The following DACT1 variants were observed in gnomAD, a reference collection of about 807,000 sequenced individuals.
The protein encoded by DACT1 is dapper homolog 1.
In DACT1, 19 loss-of-function variants were observed where a neutral mutation model predicts 35.3. The ratio of observed to expected loss-of-function variants is 0.54; its 90% CI spans 0.38 to 0.79. The LOEUF is 0.79. DACT1 is among the 30% of genes least tolerant of loss of function. DACT1 has a pLI of 0.00. For synonymous variants in DACT1, 545 were observed against 466.7 expected, an observed-to-expected ratio of 1.17 and a Z score of -2.16; for missense variants, 1,143 against 1,057.5, an observed-to-expected ratio of 1.08 and a Z score of -1.12.
At chr14:58,643,978 G>A (rs1434987740) in intron 3 of DACT1, among the ~76,000 whole-genome samples, 1 of 152,026 alleles carries the variant, frequency 6.6e-6, no homozygotes, top group Non-Finnish European at 1.5e-5. Flanking sequence ...CCCTGAGACC[G>A]CTAATTATCA....
At position 58,646,973 on chromosome 14, in the gene DACT1, T is replaced by A. The variant is rs2047696975; in HGVS notation, c.2239T>A (p.Trp747Arg). 2 of 1,614,166 alleles carry A rather than the reference T, an allele frequency of 1.2e-6. No homozygotes were observed. The highest frequency in any genetic ancestry group is 1.7e-5 in the Admixed American group (1 of 60,030). Residue 747 changes from tryptophan to arginine, a missense_variant, in exon 4 of 4, where the codon TGG (tryptophan) becomes AGG (arginine). By Grantham distance (101) the Trp-to-Arg change is moderately radical. Coordinates refer to ENST00000395153, the MANE Select transcript of DACT1 (RefSeq NM_001079520.2). ...CTCTGAAGAAAGCGGGGGCTTAATT[T>A]GGTCCCAGTTTGTCCAGACTCTGCC... ...SDSEESGGLIWSQFVQTLPIQ... is the reference protein window; with the variant it reads ...SDSEESGGLIRSQFVQTLPIQ...
chr14:58,638,060 A>AG lies in DACT1; in HGVS notation c.-140dup. On this transcript the variant is annotated 5_prime_UTR_variant, in exon 1 of 4. Transcript: ENST00000395153. The stretch of plus-strand genomic sequence containing the variant: ...AGCCGGCGGTCGCGCGCAGGACTCG[A>AG]GGGCTTCTAGCCACCGTCCCCGCCA... 4 of 884,704 alleles carry AG rather than the reference A, an allele frequency of 4.5e-6. No individual in the cohort carries two copies. Among genetic ancestry groups the AG allele is most frequent in the Non-Finnish European group, 4.4e-6 (3 of 685,226 alleles). The allele number at this position is 884,704 out of a possible 1,614,324, so 54.8% of individuals were successfully genotyped here. A position where few individuals can be genotyped will look rare whatever the true frequency, so the allele number is the denominator to read the frequency against.
upstream of DACT1, chr14:58,634,220 T>C (rs1365065625): frequency 6.6e-6 from 1 of 152,200 alleles, no homozygotes; most frequent in Non-Finnish European, 1.5e-5. Flanking sequence ...TATTTGGTAG[T>C]GTTTGGTTGT....
chr14:58,636,199 T>C (rs565802220), upstream of DACT1, among the ~76,000 whole-genome samples: 38 of 152,268 alleles, frequency 2.5e-4, no homozygotes, highest in South Asian at 8.3e-4. Context: ...GGGAGGAAAG[T>C]GAAAGGTGGC....
At chr14:58,639,179 G>A (rs1184744645) in intron 1 of DACT1, 3 of 985,316 alleles carry the variant, frequency 3.0e-6, no homozygotes, top group Admixed American at 1.2e-4. Flanking sequence ...TTTGGCTGGA[G>A]ACTGTGTCCC....
Position 58,646,953 on chromosome 14 carries a change from A to G in DACT1, c.2219A>G (p.Glu740Gly), listed in dbSNP as rs765719555. 1 of 1,614,184 alleles carries G rather than the reference A, an allele frequency of 6.2e-7. No individual in the cohort carries two copies. The highest frequency in any genetic ancestry group is 8.5e-7 in the Non-Finnish European group (1 of 1,180,036). ...VGESTTTSDS[E>G]ESGGLIWSQF... ...GAGAGCACAACCACCAGCGACTCTG[A>G]AGAAAGCGGGGGCTTAATTTGGTCC... Residue 740 changes from glutamate to glycine, a missense_variant, in exon 4 of 4, where the codon GAA becomes GGA. Coordinates refer to ENST00000395153, the MANE Select transcript of DACT1 (RefSeq NM_001079520.2).
At chr14:58,638,667 GCCCCCGACCGCCCCATA>G in intron 1 of DACT1, 120 bp downstream of exon 1, 1 of 1,214,794 alleles carries the variant, frequency 8.2e-7, no homozygotes, top group Non-Finnish European at 1.0e-6. Flanking sequence ...GTTATGGGAC[GCCCCCGACCGCCCCATA>G]CCTCCCTGAT....
rs2047688390 is a variant in DACT1, at chr14:58,646,600, C to G, written c.1866C>G (p.Gly622=). ...ACAGGGCGGGGAGCAGGGCGCATGG[C>G]CACGGACGGGAGGCGGTGGTGGCCA... ...GGHRAGSRAH[G]HGREAVVAKP... is the part of the protein sequence containing the mutation. The change falls in exon 4 of 4, where the codon GGC becomes GGG. Residue 622 remains glycine (G), a synonymous_variant. Coordinates refer to ENST00000395153, the MANE Select transcript of DACT1 (RefSeq NM_001079520.2). The G allele has an allele frequency of 6.3e-7, 1 of 1,595,062 alleles. No homozygotes were observed. Among genetic ancestry groups the G allele is most frequent in the Non-Finnish European group, 8.5e-7 (1 of 1,171,376 alleles).
rs377129000 is a variant in DACT1, at chr14:58,642,302, CA to C, written c.634+556del. 8.6e-3 allele frequency among the ~76,000 whole-genome samples: 1,313 copies of C among 152,106 alleles called. 24 individuals are homozygous for C. Among genetic ancestry groups the C allele is most frequent in the African/African-American group, 0.03 (1,246 of 41,480 alleles). On this transcript the variant is annotated intron_variant, in intron 3 of 3. Coordinates refer to ENST00000395153, the MANE Select transcript of DACT1 (RefSeq NM_001079520.2). ...AGGAGTTCAAGACCAGCCTGGCCAA[CA>C]TGGTGAAACCCCATCTCTACTAAAA...
At chr14:58,634,808 G>T (rs144453259), upstream of DACT1, among the ~76,000 whole-genome samples, 1 of 152,188 alleles carries the variant, frequency 6.6e-6, no homozygotes, top group Non-Finnish European at 1.5e-5. Flanking sequence ...CTTTGGTGGG[G>T]GTGCTGTTAG....
rs763667576 is a variant in DACT1 at position 58,646,765 on chromosome 14, C to CAGCCCCTACGCCTACGTGGCT, written c.2035_2055dup (p.Pro679_Ser685dup). The CAGCCCCTACGCCTACGTGGCT allele has an allele frequency of 1.9e-6, 3 of 1,614,014 alleles. No individual in the cohort carries two copies. In the African/African-American group the frequency reaches 4.0e-5, roughly 22 times the overall value. ...CCGCGCCTGTGCCTCTGCCCTACGC[C>CAGCCCCTACGCCTACGTGGCT]AGCCCCTACGCCTACGTGGCTAGCG... is the stretch of plus-strand genomic sequence containing the variant. On this transcript the variant is annotated inframe_insertion, in exon 4 of 4. Transcript: ENST00000395153.
intron 3 of DACT1, among the ~76,000 whole-genome samples, chr14:58,644,182 G>A (rs2047652118): frequency 6.6e-6 from 1 of 152,108 alleles, no homozygotes; most frequent in African/African-American, 2.4e-5. Context: ...CTTTAAGACA[G>A]CAAGCTTGAT....
upstream of DACT1, among the ~76,000 whole-genome samples, chr14:58,637,538 G>T (rs964144493): frequency 6.6e-6 from 1 of 152,062 alleles, no homozygotes; most frequent in African/African-American, 2.4e-5. Context: ...GTGGGGAAAG[G>T]GTTAAGACTG....
Position 58,645,541 on chromosome 14 carries a change from C to T in DACT1, c.807C>T (p.Cys269=). The change falls in exon 4 of 4, where the codon TGC becomes TGT. Residue 269 remains cysteine, a synonymous_variant. Coordinates refer to ENST00000395153, the MANE Select transcript of DACT1 (RefSeq NM_001079520.2). ...DRLGNHASDI[C]GGSELDAVKT... Reference sequence around the variant, plus strand: ...TTGGAAACCATGCCAGTGACATTTGCGGTGGATCTGAGCTAGATGCCGTCA... The same window carrying T: ...TTGGAAACCATGCCAGTGACATTTGTGGTGGATCTGAGCTAGATGCCGTCA... 6.2e-7 allele frequency: 1 copy of T among 1,614,152 alleles called. No homozygotes were observed. The highest frequency in any genetic ancestry group is 8.5e-7 in the Non-Finnish European group (1 of 1,180,020).
intron 1 of DACT1, among the ~76,000 whole-genome samples, chr14:58,640,450 G>A (rs1566506954): frequency 6.6e-6 from 1 of 152,064 alleles, no homozygotes; most frequent in Non-Finnish European, 1.5e-5. Context: ...CATTTTTCTT[G>A]TCCCTATCTA....
In DACT1 at chr14:58,646,009, A is replaced by G; in HGVS notation, c.1275A>G (p.Glu425=). 1 of 1,614,102 alleles carries G rather than the reference A, an allele frequency of 6.2e-7. No homozygotes were observed. The highest frequency in any genetic ancestry group is 1.1e-5 in the South Asian group (1 of 91,086). The part of the protein sequence containing the change: ...LPKTAKPASQ[E]HARCSAIGTG... Reference sequence around the variant, plus strand: ...AAACGGCCAAGCCAGCCTCGCAAGAACATGCTCGGTGTTCCGCCATTGGGA... The same window carrying G: ...AAACGGCCAAGCCAGCCTCGCAAGAGCATGCTCGGTGTTCCGCCATTGGGA... The change falls in exon 4 of 4, where the codon GAA becomes GAG. Residue 425 remains glutamate (E), a synonymous_variant. Transcript: ENST00000395153.
At chr14:58,635,695 T>C (rs1464490536), upstream of DACT1, among the ~76,000 whole-genome samples, 1 of 42,698 alleles carries the variant, frequency 2.3e-5, no homozygotes, top group Non-Finnish European at 4.6e-5. Context: ...GGAGGGGGGT[T>C]GGGAGGGTGG....
upstream of DACT1, among the ~76,000 whole-genome samples, chr14:58,637,476 T>C (rs891370654): frequency 6.6e-6 from 1 of 152,218 alleles, no homozygotes; most frequent in African/African-American, 2.4e-5. Context: ...ATACCTTGCT[T>C]GGGAAGTGAA....
upstream of DACT1, among the ~76,000 whole-genome samples, chr14:58,635,712 T>C (rs1433784031): frequency 1.3e-5 from 2 of 152,130 alleles, no homozygotes; most frequent in East Asian, 1.9e-4. Context: ...GTGGGGAGGT[T>C]TGGAGACATA....
Sources: allele counts gnomAD v4.1 joint callset (sites outside exome capture counted in the v4.1 genomes callset), GRCh38; gene constraint gnomAD v4.1.1; transcripts MANE v1.5; gene names NCBI Gene and HGNC (gene_info 2026-07-23, HGNC 2026-07-21).